The following RIC8B variants were observed in gnomAD, a reference collection of about 807,000 sequenced individuals.
RIC8B encodes the protein chaperone Ric-8B.
A neutral mutation model predicts 57.5 loss-of-function variants in RIC8B; 16 were observed. The ratio of observed to expected loss-of-function variants is 0.28; its 90% CI spans 0.19 to 0.42. The LOEUF (loss-of-function observed/expected upper bound fraction) is 0.42. Among genes scored for constraint, RIC8B ranks in the 10% least tolerant of loss-of-function variants. The pLI, the probability that RIC8B is intolerant of heterozygous loss-of-function variation, is 1.00. For missense variants in RIC8B, 481 were observed against 677.0 expected (o/e 0.71, Z 3.21); for synonymous variants, 216 against 250.8 (o/e 0.86, Z 1.31).
intron 4 of RIC8B, among the ~76,000 whole-genome samples, chr12:106,839,450 T>C (rs1224580170): frequency 6.6e-6 from 1 of 152,176 alleles, no homozygotes; most frequent in Non-Finnish European, 1.5e-5. Context: ...ACAGGACAAA[T>C]ACTCCATGAT....
intron 7 of RIC8B, among the ~76,000 whole-genome samples, chr12:106,855,754 A>G (rs566835698): frequency 6.6e-6 from 1 of 151,952 alleles, no homozygotes; most frequent in Admixed American, 6.5e-5. Flanking sequence ...CTCACTTCAC[A>G]TTGCTCCCTG....
chr12:106,837,998 G>A (rs1044565502), intron 4 of RIC8B, among the ~76,000 whole-genome samples: 7 of 152,092 alleles, frequency 4.6e-5, no homozygotes, highest in African/African-American at 1.7e-4. Context: ...TGGTTTGGTT[G>A]ATACACAAAA....
chr12:106,874,218 G>C (rs1470782158), intron 9 of RIC8B, among the ~76,000 whole-genome samples: 3 of 152,172 alleles, frequency 2.0e-5, no homozygotes, highest in African/African-American at 7.2e-5. Context: ...GTTATAGTAA[G>C]TGTTTGCCAG....
chr12:106,859,224 T>G (rs1481539427), intron 7 of RIC8B, among the ~76,000 whole-genome samples: 1 of 152,204 alleles, frequency 6.6e-6, no homozygotes. Context: ...TCTGTTTACC[T>G]TGAAATTGTA....
At chr12:106,774,912 C>A in intron 1 of RIC8B, 83 bp downstream of exon 1, 3 of 1,043,228 alleles carry the variant, frequency 2.9e-6, no homozygotes, top group Non-Finnish European at 4.2e-6. Context: ...TCCCCACCCC[C>A]CTCATTCCGG....
intron 2 of RIC8B, among the ~76,000 whole-genome samples, chr12:106,812,906 C>T (rs537160760): frequency 3.8e-4 from 57 of 151,880 alleles, no homozygotes; most frequent in African/African-American, 1.3e-3. Context: ...TTTTTTTTGT[C>T]TTATCAGATA....
intron 5 of RIC8B, among the ~76,000 whole-genome samples, chr12:106,843,525 A>G (rs1166211789): frequency 6.6e-6 from 1 of 152,156 alleles, no homozygotes; most frequent in Non-Finnish European, 1.5e-5. Context: ...GATCGAGACC[A>G]TCCTGGCTAA....
intron 3 of RIC8B, among the ~76,000 whole-genome samples, chr12:106,825,261 G>A (rs756757295): frequency 6.6e-6 from 1 of 152,132 alleles, no homozygotes; most frequent in Non-Finnish European, 1.5e-5. Flanking sequence ...TGGTAGTTCT[G>A]GGGGAATTAG....
intron 4 of RIC8B, among the ~76,000 whole-genome samples, chr12:106,829,035 C>A (rs1038691966): frequency 6.6e-6 from 1 of 152,132 alleles, no homozygotes; most frequent in African/African-American, 2.4e-5. Context: ...TCAGAGAAGT[C>A]AAGAGGACAT....
At chr12:106,851,425 A>G in intron 6 of RIC8B, 25 bp from the exon 7 acceptor site, 3 of 1,574,946 alleles carry the variant, frequency 1.9e-6, no homozygotes, top group Non-Finnish European at 2.6e-6. Context: ...TCGATTGATG[A>G]TGGTTTTTGC....
intron 2 of RIC8B, among the ~76,000 whole-genome samples, chr12:106,808,052 T>C (rs991649458): frequency 2.9e-4 from 41 of 142,314 alleles, no homozygotes; most frequent in Non-Finnish European, 4.3e-4. Flanking sequence ...ACCACTGTAC[T>C]CCAGCCTGGG....
rs1376306891 is a variant in RIC8B, at chr12:106,879,371, A to G, written c.1572-6533A>G. ...TGGGTATGTTAGTATCTGAACCCCAATTTTGCACTGTCATTTTTGGGGGAA... is the reference window on the plus strand; with the variant it reads ...TGGGTATGTTAGTATCTGAACCCCAGTTTTGCACTGTCATTTTTGGGGGAA... On this transcript the variant is annotated intron_variant, in intron 9 of 9. Transcript: ENST00000392837. This position sits in a 1 kb window ranked among gnomAD's most constrained non-coding sequence, Gnocchi z 4.9. 2 of 985,202 alleles carry G rather than the reference A, an allele frequency of 2.0e-6. No homozygotes were observed. Among genetic ancestry groups the G allele is most frequent in the South Asian group, 9.4e-5 (2 of 21,274 alleles). 61.0% of individuals were successfully genotyped at this position (985,202 alleles called of 1,614,324 possible).
intron 8 of RIC8B, among the ~76,000 whole-genome samples, chr12:106,868,776 C>T (rs1424888939): frequency 8.2e-6 from 1 of 122,532 alleles, no homozygotes; most frequent in Admixed American, 7.7e-5. Flanking sequence ...GACACACACA[C>T]ACACACACAC....
chr12:106,868,891 G>C, intron 8 of RIC8B, among the ~76,000 whole-genome samples: 1 of 114,912 alleles, frequency 8.7e-6, no homozygotes, highest in Non-Finnish European at 1.7e-5. Flanking sequence ...GTCTCGCTCT[G>C]TCACCCAAGC....
chr12:106,843,746 T>TA, intron 5 of RIC8B, 106 bp from the exon 6 acceptor site: 2 of 481,680 alleles, frequency 4.2e-6, no homozygotes, highest in Non-Finnish European at 3.3e-6. Context: ...AAAAAAAAAG[T>TA]CCCCACCTCA....
intron 3 of RIC8B, among the ~76,000 whole-genome samples, chr12:106,823,937 C>T (rs889580582): frequency 4.6e-5 from 7 of 152,160 alleles, no homozygotes; most frequent in Admixed American, 1.3e-4. Flanking sequence ...CCACCCGCCT[C>T]GGCCTCCCGA....
rs183034749 is a variant in RIC8B at position 106,774,835 on chromosome 12, G to C, written c.84+6G>C. Reference sequence around the variant, plus strand: ...TGAGGGATTACAGCGACAAGGTAAAGAGTCCTGGCCCCGGGCGTGCGGTAT... The same window carrying C: ...TGAGGGATTACAGCGACAAGGTAAACAGTCCTGGCCCCGGGCGTGCGGTAT... On this transcript the variant is annotated splice_donor_region_variant and intron_variant, in intron 1 of 9. Transcript: ENST00000392837. The C allele has an allele frequency of 1.2e-5, 18 of 1,551,352 alleles. No individual in the cohort carries two copies. In the African/African-American group the frequency reaches 2.2e-4, roughly 19 times the overall value.
intron 1 of RIC8B, among the ~76,000 whole-genome samples, chr12:106,780,083 G>C (rs918829406): frequency 6.6e-6 from 1 of 152,024 alleles, no homozygotes; most frequent in Non-Finnish European, 1.5e-5. Context: ...ACAACAAACT[G>C]TGACTAAGGG....
chr12:106,868,237 G>A (rs1398102047), intron 8 of RIC8B: 2 of 454,402 alleles, frequency 4.4e-6, no homozygotes, highest in Non-Finnish European at 8.9e-6. Flanking sequence ...TGAAGCATGT[G>A]ATCATGTGTG....
Sources: allele counts gnomAD v4.1 joint callset (sites outside exome capture counted in the v4.1 genomes callset), GRCh38; gene constraint gnomAD v4.1.1; non-coding constraint Gnocchi (gnomAD v3.1); transcripts MANE v1.5; gene names NCBI Gene and HGNC (gene_info 2026-07-23, HGNC 2026-07-21).